The following SLC14A2 variants were observed in gnomAD, a reference collection of about 807,000 sequenced individuals.
SLC14A2 encodes the protein solute carrier family 14 member 2, also known as urea transporter 2.
In SLC14A2, 91 loss-of-function variants were observed where a neutral mutation model predicts 104.6. The observed-to-expected ratio is 0.87, with a 90% CI of 0.73 to 1.04. The LOEUF (loss-of-function observed/expected upper bound fraction) is 1.04. Ranked by LOEUF, SLC14A2 falls within the 50% of genes least tolerant of loss-of-function variation. The pLI, the probability that SLC14A2 is intolerant of heterozygous loss-of-function variation, is 0.00. For synonymous variants in SLC14A2, 476 were observed against 466.4 expected, an observed-to-expected ratio of 1.02 and a Z score of -0.27; for missense variants, 1,189 against 1,156.0, an observed-to-expected ratio of 1.03 and a Z score of -0.41.
At chr18:45,591,880 G>A (rs867202197) in intron 2 of SLC14A2, among the ~76,000 whole-genome samples, 1 of 152,214 alleles carries the variant, frequency 6.6e-6, no homozygotes, top group African/African-American at 2.4e-5. Context: ...CCCATCAGTA[G>A]AGCCACTAGA....
chr18:45,596,321 G>A (rs1482027679), intron 2 of SLC14A2, among the ~76,000 whole-genome samples: 1 of 152,214 alleles, frequency 6.6e-6, no homozygotes, highest in South Asian at 2.1e-4. Context: ...GCTTGAATTT[G>A]GTTAATGGAG....
intron 1 of SLC14A2, among the ~76,000 whole-genome samples, chr18:45,385,779 A>G (rs1016304872): frequency 1.3e-5 from 2 of 152,208 alleles, no homozygotes; most frequent in Non-Finnish European, 2.9e-5. Flanking sequence ...ACACGGTTTG[A>G]AAGAATAGGG....
intron 1 of SLC14A2, among the ~76,000 whole-genome samples, chr18:45,331,507 C>T (rs553559411): frequency 2.9e-4 from 44 of 151,694 alleles, no homozygotes; most frequent in African/African-American, 1.0e-3. Flanking sequence ...CTGGCTAACA[C>T]GTGAAACCCT....
intron 1 of SLC14A2, chr18:45,435,171 T>C (rs980007732): frequency 6.6e-6 from 1 of 152,178 alleles, no homozygotes; most frequent in Non-Finnish European, 1.5e-5. Flanking sequence ...GGAGTTAGTT[T>C]CCCAGAAGAT....
intron 1 of SLC14A2, among the ~76,000 whole-genome samples, chr18:45,369,564 A>G (rs1030580713): frequency 6.6e-6 from 1 of 152,186 alleles, no homozygotes. Flanking sequence ...GATTCATTTG[A>G]TATATGTATA....
At chr18:45,648,391 G>C (rs1383042922) in intron 10 of SLC14A2, among the ~76,000 whole-genome samples, 1 of 151,844 alleles carries the variant, frequency 6.6e-6, no homozygotes, top group African/African-American at 2.4e-5. Context: ...ATTTTTAGTA[G>C]AGATGGGGTT....
chr18:45,404,302 T>C (rs560149799), intron 1 of SLC14A2, among the ~76,000 whole-genome samples: 2 of 152,170 alleles, frequency 1.3e-5, no homozygotes, highest in Non-Finnish European at 2.9e-5. Context: ...ATGATAGAAA[T>C]TTTTGTATTA....
chr18:45,181,618 T>TA, the SLC14A2 span, among the ~76,000 whole-genome samples: 19 of 151,922 alleles, frequency 1.3e-4, no homozygotes, highest in African/African-American at 3.9e-4. Flanking sequence ...AATTCAAGCA[T>TA]AAAAAAATGA....
chr18:45,529,747 G>C (rs1469419045), intron 2 of SLC14A2: 1 of 152,082 alleles, frequency 6.6e-6, no homozygotes, highest in African/African-American at 2.4e-5. Flanking sequence ...CACTTCACAT[G>C]TTCTCTTTAG....
intron 1 of SLC14A2, among the ~76,000 whole-genome samples, chr18:45,246,793 G>A (rs565909505): frequency 3.9e-4 from 59 of 152,178 alleles, no homozygotes; most frequent in African/African-American, 1.4e-3. Flanking sequence ...GGCAGATCAC[G>A]AGGTCAGGAG....
At chr18:45,514,002 A>G (rs975253497) in intron 2 of SLC14A2, among the ~76,000 whole-genome samples, 3 of 152,182 alleles carry the variant, frequency 2.0e-5, no homozygotes, top group African/African-American at 7.2e-5. Flanking sequence ...TCTAACTTAC[A>G]GTTGCTAGTT....
chr18:45,170,766 A>T, the SLC14A2 span, among the ~76,000 whole-genome samples: 2 of 152,142 alleles, frequency 1.3e-5, no homozygotes, highest in Admixed American at 6.6e-5. Context: ...GTCTAGGCAA[A>T]TGTGACATGG....
chr18:45,268,629 G>A (rs1336946911), intron 1 of SLC14A2, among the ~76,000 whole-genome samples: 1 of 152,214 alleles, frequency 6.6e-6, no homozygotes, highest in East Asian at 1.9e-4. Flanking sequence ...AGATTTGGAA[G>A]CACCTAGTAT....
At chr18:45,431,890 C>T (rs2086521253) in intron 1 of SLC14A2, among the ~76,000 whole-genome samples, 2 of 152,162 alleles carry the variant, frequency 1.3e-5, no homozygotes, top group African/African-American at 2.4e-5. Flanking sequence ...AAACAAACTT[C>T]CCTGATTAGA....
chr18:45,678,083 T>A (rs947735265), intron 18 of SLC14A2, among the ~76,000 whole-genome samples: 1 of 152,170 alleles, frequency 6.6e-6, no homozygotes, highest in Non-Finnish European at 1.5e-5. Flanking sequence ...CCTCCCAAAG[T>A]GCTGGGATTA....
intron 1 of SLC14A2, among the ~76,000 whole-genome samples, chr18:45,369,350 A>G (rs1475177227): frequency 1.3e-5 from 2 of 152,124 alleles, no homozygotes; most frequent in Non-Finnish European, 2.9e-5. Context: ...TAGGAAAGTT[A>G]TTTTTCCAAC....
chr18:45,369,275 C>A (rs1020550474), intron 1 of SLC14A2, among the ~76,000 whole-genome samples: 1 of 152,176 alleles, frequency 6.6e-6, no homozygotes, highest in African/African-American at 2.4e-5. Context: ...TTTCCCATAT[C>A]TTTCTACCTA....
rs760983535 is a variant in SLC14A2 at position 45,625,783 on chromosome 18, C to G, written c.251C>G (p.Ala84Gly). 1 of 1,557,028 alleles carries G rather than the reference C, an allele frequency of 6.4e-7. No homozygotes were observed. Among genetic ancestry groups the G allele is most frequent in the Admixed American group, 2.1e-5 (1 of 48,422 alleles). Reference protein sequence around the residue: ...KDDGVAHRDSAGQRCICLSKA... With the variant: ...KDDGVAHRDSGGQRCICLSKA... The stretch of plus-strand genomic sequence containing the variant: ...GACGGGGTGGCCCATCGGGACTCAG[C>G]AGGCCAAAGGTGCATCTGCCTCTCC... The change falls in exon 3 of 20, where the codon GCA becomes GGA. Residue 84 changes from alanine to glycine, a missense_variant. Physicochemically the swap from Ala to Gly is moderately conservative, Grantham distance 60 (BLOSUM62 0). Transcript: ENST00000255226.
chr18:45,673,715 T>G lies in SLC14A2; in HGVS notation c.2410T>G (p.Tyr804Asp). 3.1e-6 allele frequency: 5 copies of G among 1,614,162 alleles called. No homozygotes were observed. Among genetic ancestry groups the G allele is most frequent in the Non-Finnish European group, 4.2e-6 (5 of 1,180,004 alleles). Reference sequence around the variant, plus strand: ...TATTGCGACGCCCTTTGACTCCATCTACTTCGGCCTGTGTGGCTTCAACAG... The same window carrying G: ...TATTGCGACGCCCTTTGACTCCATCGACTTCGGCCTGTGTGGCTTCAACAG... ...LTIATPFDSI[Y>D]FGLCGFNSTL... Residue 804 changes from tyrosine (Y) to aspartate (D), a missense_variant, in exon 18 of 20, where the codon TAC (tyrosine) becomes GAC (aspartate). By Grantham distance (160) the Tyr-to-Asp change is radical (BLOSUM62 -3). Transcript: ENST00000255226.
Sources: allele counts gnomAD v4.1 joint callset (sites outside exome capture counted in the v4.1 genomes callset), GRCh38; gene constraint gnomAD v4.1.1; transcripts MANE v1.5; gene names NCBI Gene and HGNC (gene_info 2026-07-23, HGNC 2026-07-21).